PIGU: variants seen among roughly 807,000 people sequenced by gnomAD.
The protein encoded by PIGU is GPI-anchor transamidase component PIGU.
A neutral mutation model predicts 49.9 loss-of-function variants in PIGU; 24 were observed. The ratio of observed to expected loss-of-function variants is 0.48; its 90% confidence interval spans 0.35 to 0.68. The LOEUF is 0.68. Ranked by LOEUF, PIGU falls within the 30% of genes least tolerant of loss-of-function variation. PIGU has a pLI of 0.01. For synonymous variants in PIGU, 220 were observed against 205.7 expected, an observed-to-expected ratio of 1.07 and a Z score of -0.59; for missense variants, 490 against 532.6, an observed-to-expected ratio of 0.92 and a Z score of 0.79.
intron 11 of PIGU, among the ~76,000 whole-genome samples, chr20:34,565,978 CACAT>C (rs1030661331): frequency 3.4e-4 from 52 of 152,144 alleles, no homozygotes; most frequent in East Asian, 1.9e-3. Flanking sequence ...CACAGGTGCA[CACAT>C]ACATGCAAGC....
rs1322707159 is a variant in PIGU, at chr20:34,575,168, A to G, written c.1130T>C (p.Ile377Thr). The G allele has an allele frequency of 6.2e-7, 1 of 1,614,088 alleles. No homozygotes were observed. The highest frequency in any genetic ancestry group is 8.5e-7 in the Non-Finnish European group (1 of 1,180,038). The change falls in exon 11 of 12, where the codon ATT becomes ACT. Residue 377 changes from isoleucine to threonine, a missense_variant. Transcript: ENST00000217446. ...ATTAGAGTTGGCACTTCCTGCATAAATCCAGAGGTGCCACAGGACAGGGAA... is the reference window on the plus strand; with the variant it reads ...ATTAGAGTTGGCACTTCCTGCATAAGTCCAGAGGTGCCACAGGACAGGGAA... ...LLFPVLWHLW[I>T]YAGSANSNFF...
chr20:34,615,018 T>C (rs1255304940), intron 7 of PIGU, among the ~76,000 whole-genome samples: 1 of 152,234 alleles, frequency 6.6e-6, no homozygotes, highest in Non-Finnish European at 1.5e-5. Context: ...ACAAGATGAT[T>C]AGAGAGCACG....
intron 7 of PIGU, among the ~76,000 whole-genome samples, chr20:34,591,967 C>T (rs1600607661): frequency 1.3e-5 from 2 of 152,230 alleles, no homozygotes; most frequent in South Asian, 4.1e-4. Flanking sequence ...GCGGGTGGAT[C>T]GCGAGGTCAG....
intron 1 of PIGU, among the ~76,000 whole-genome samples, chr20:34,673,339 G>T (rs1412335650): frequency 3.3e-5 from 5 of 152,004 alleles, no homozygotes; most frequent in African/African-American, 1.2e-4. Flanking sequence ...GCCTTTTAGG[G>T]TTTATATAAT....
At chr20:34,622,719 T>C (rs1180860086) in intron 6 of PIGU, among the ~76,000 whole-genome samples, 1 of 152,120 alleles carries the variant, frequency 6.6e-6, no homozygotes, top group Non-Finnish European at 1.5e-5. Context: ...CAGAAGGAAC[T>C]GTGCCAAGAG....
chr20:34,660,356 A>G (rs1986894264), intron 1 of PIGU, among the ~76,000 whole-genome samples: 1 of 152,224 alleles, frequency 6.6e-6, no homozygotes, highest in Admixed American at 6.5e-5. Context: ...AGGCCAAGGC[A>G]GGTGGATCAC....
At chr20:34,561,945 G>A (rs1982533514) in intron 11 of PIGU, among the ~76,000 whole-genome samples, 1 of 152,140 alleles carries the variant, frequency 6.6e-6, no homozygotes, top group Non-Finnish European at 1.5e-5. Flanking sequence ...CAGCCTGACT[G>A]TGCCTCCTCC....
intron 4 of PIGU, chr20:34,643,639 T>C (rs1986237784): frequency 6.6e-6 from 1 of 152,416 alleles, no homozygotes; most frequent in African/African-American, 2.4e-5. Context: ...TCCTTGGCTA[T>C]TACATATGGA....
intron 7 of PIGU, among the ~76,000 whole-genome samples, chr20:34,605,706 T>C (rs1369510520): frequency 1.3e-5 from 2 of 152,186 alleles, no homozygotes; most frequent in Non-Finnish European, 2.9e-5. Flanking sequence ...TGTACTCTAT[T>C]TCCCTCTTTT....
chr20:34,629,729 T>C (rs962235820), intron 6 of PIGU, among the ~76,000 whole-genome samples: 1 of 152,196 alleles, frequency 6.6e-6, no homozygotes, highest in African/African-American at 2.4e-5. Flanking sequence ...GGAAAAATGT[T>C]GGAAAAATCT....
At chr20:34,615,564 G>T (rs777180455) in intron 7 of PIGU, among the ~76,000 whole-genome samples, 1 of 152,158 alleles carries the variant, frequency 6.6e-6, no homozygotes, top group Non-Finnish European at 1.5e-5. Context: ...GTTACCTGTT[G>T]TCAACTGTGG....
At chr20:34,585,307 G>A (rs934129261) in intron 9 of PIGU, 130 bp downstream of exon 9, 50 of 1,142,274 alleles carry the variant, frequency 4.4e-5, no homozygotes, top group African/African-American at 6.2e-5. Flanking sequence ...CTGAAGGCAG[G>A]TTCCTTAGGT....
At chr20:34,617,192 T>C (rs564215077) in intron 6 of PIGU, among the ~76,000 whole-genome samples, 4 of 152,204 alleles carry the variant, frequency 2.6e-5, no homozygotes, top group Admixed American at 6.5e-5. Flanking sequence ...ACAGAGTCCC[T>C]ACTGGGGCAC....
At chr20:34,640,976 C>T (rs1986141610) in intron 4 of PIGU, among the ~76,000 whole-genome samples, 1 of 152,188 alleles carries the variant, frequency 6.6e-6, no homozygotes, top group South Asian at 2.1e-4. Flanking sequence ...TCAATGCAAC[C>T]TCCGCCTCCC....
chr20:34,641,520 C>A (rs1179460164), intron 4 of PIGU, among the ~76,000 whole-genome samples: 1 of 152,218 alleles, frequency 6.6e-6, no homozygotes, highest in East Asian at 1.9e-4. Flanking sequence ...TTGTTTTTGT[C>A]AAGTGAGATA....
At position 34,634,545 on chromosome 20, in the gene PIGU, ACAG is replaced by A. The variant is rs1568650942; in HGVS notation, c.529+67_529+69del. The A allele has an allele frequency of 1.2e-5, 17 of 1,466,152 alleles. No homozygotes were observed. In the South Asian group the frequency reaches 2.6e-4, roughly 22 times the overall value. 90.8% of individuals were successfully genotyped at this position (1,466,152 alleles called of 1,614,324 possible). On this transcript the variant is annotated intron_variant, in intron 6 of 11. Coordinates refer to ENST00000217446, the MANE Select transcript of PIGU (RefSeq NM_080476.5). ...ATTAAAAAAAAAACAAAACAAAACC[ACAG>A]CACAAGTGTTGCAAAATCTTGCATA...
intron 11 of PIGU, among the ~76,000 whole-genome samples, chr20:34,566,044 G>T (rs909123745): frequency 6.6e-6 from 1 of 150,954 alleles, no homozygotes; most frequent in African/African-American, 2.4e-5. Flanking sequence ...ACACATACAC[G>T]CACGCTCTCA....
chr20:34,560,603 C>CCTCTT lies in PIGU; in HGVS notation c.*258_*262dup, dbSNP rs1351229290. On this transcript the variant is annotated 3_prime_UTR_variant, in exon 12 of 12. Transcript: ENST00000217446. ...CAATCTAACAAGCCCTGCTCACCTG[C>CCTCTT]CTCTTCTCCTTCCTGTCTGGGAGGG... is the stretch of plus-strand genomic sequence containing the variant. 9.1e-6 allele frequency: 4 copies of CCTCTT among 437,796 alleles called. No homozygotes were observed. Among genetic ancestry groups the CCTCTT allele is most frequent in the Admixed American group, 4.1e-5 (1 of 24,420 alleles). The allele number at this position is 437,796 out of a possible 1,614,324, so 27.1% of individuals were successfully genotyped here.
At position 34,634,767 on chromosome 20, in the gene PIGU, C is replaced by T. The variant is rs147368753; in HGVS notation, c.429-52G>A. 39 of 1,590,502 alleles carry T rather than the reference C, an allele frequency of 2.5e-5. No homozygotes were observed. The East Asian group carries it at 5.8e-4, about 24-fold the overall frequency. On this transcript the variant is annotated intron_variant, in intron 5 of 11. Coordinates refer to ENST00000217446, the MANE Select transcript of PIGU (RefSeq NM_080476.5). The stretch of plus-strand genomic sequence containing the variant: ...TTAGTAATCCTGACCAAGGAGCCCT[C>T]GCCATTACAGCAAGGAAGTTCCAAG...
Sources: allele counts gnomAD v4.1 joint callset (sites outside exome capture counted in the v4.1 genomes callset), GRCh38; gene constraint gnomAD v4.1.1; transcripts MANE v1.5; gene names NCBI Gene and HGNC (gene_info 2026-07-23, HGNC 2026-07-21).